Variants in RAP1A observed in about 807,000 individuals in gnomAD.
The protein encoded by RAP1A is ras-related protein Rap-1A.
Under a neutral mutation model 26.4 loss-of-function variants are expected in RAP1A, and 6 were observed. The observed-to-expected ratio is 0.23, with a 90% CI of 0.12 to 0.45. RAP1A has a LOEUF of 0.45. RAP1A is among the 20% of genes least tolerant of loss of function. RAP1A has a pLI of 0.99. For missense variants in RAP1A, 121 were observed against 217.2 expected, an observed-to-expected ratio of 0.56 and a Z score of 2.78; for synonymous variants, 73 against 79.4, an observed-to-expected ratio of 0.92 and a Z score of 0.43.
intron 1 of RAP1A, among the ~76,000 whole-genome samples, chr1:111,551,722 T>G (rs1458666446): frequency 6.6e-6 from 1 of 151,096 alleles, no homozygotes; most frequent in Non-Finnish European, 1.5e-5. Flanking sequence ...GCAGTGGTTT[T>G]TTGGTTTTGT....
At chr1:111,640,846 C>G (rs1319042515) in intron 1 of RAP1A, among the ~76,000 whole-genome samples, 1 of 151,976 alleles carries the variant, frequency 6.6e-6, no homozygotes, top group Non-Finnish European at 1.5e-5. Flanking sequence ...TACCTATAAT[C>G]CCAGATACTC....
At chr1:111,600,933 T>A (rs983706024) in intron 1 of RAP1A, among the ~76,000 whole-genome samples, 1 of 152,200 alleles carries the variant, frequency 6.6e-6, no homozygotes, top group African/African-American at 2.4e-5. Context: ...TCTTTATGCA[T>A]GTGAGCGGAG....
chr1:111,692,085 C>G (rs1380432017), intron 2 of RAP1A, among the ~76,000 whole-genome samples: 3 of 152,102 alleles, frequency 2.0e-5, no homozygotes, highest in African/African-American at 7.2e-5. Flanking sequence ...GGATTAGGAC[C>G]ATGGCAGTTA....
At chr1:111,670,422 C>G (rs973307296) in intron 1 of RAP1A, among the ~76,000 whole-genome samples, 1 of 151,904 alleles carries the variant, frequency 6.6e-6, no homozygotes, top group African/African-American at 2.4e-5. Flanking sequence ...TACAGTGAGC[C>G]AAGATCATGC....
At chr1:111,689,739 A>C (rs1369080831) in intron 1 of RAP1A, among the ~76,000 whole-genome samples, 1 of 151,806 alleles carries the variant, frequency 6.6e-6, no homozygotes. Context: ...GCGCGATCTC[A>C]GCTCACTGCA....
chr1:111,601,903 G>C (rs1023043895), intron 1 of RAP1A, among the ~76,000 whole-genome samples: 1 of 152,162 alleles, frequency 6.6e-6, no homozygotes, highest in Non-Finnish European at 1.5e-5. Context: ...AGGGTAAGAG[G>C]AATATGATTT....
chr1:111,642,549 A>T (rs1659924477), intron 1 of RAP1A, among the ~76,000 whole-genome samples: 1 of 149,128 alleles, frequency 6.7e-6, no homozygotes, highest in African/African-American at 2.5e-5. Flanking sequence ...GTTCAGTGGC[A>T]CTATCTTAGC....
intron 1 of RAP1A, among the ~76,000 whole-genome samples, chr1:111,556,641 A>G (rs1657502875): frequency 6.6e-6 from 1 of 152,232 alleles, no homozygotes; most frequent in South Asian, 2.1e-4. Flanking sequence ...AAGTGAAATA[A>G]GTCAGTCACA....
At chr1:111,564,512 C>CTTT (rs577908974) in intron 1 of RAP1A, among the ~76,000 whole-genome samples, 6 of 119,968 alleles carry the variant, frequency 5.0e-5, no homozygotes, top group African/African-American at 1.3e-4. Flanking sequence ...GACCCCAACT[C>CTTT]TTTTTTTTTT....
intron 1 of RAP1A, among the ~76,000 whole-genome samples, chr1:111,555,362 TA>T (rs397981230): frequency 4.6e-3 from 221 of 47,618 alleles, no homozygotes; most frequent in African/African-American, 0.019. Flanking sequence ...TGAGACTCTG[TA>T]AAAAAAAAAA....
At chr1:111,695,478 A>G in intron 3 of RAP1A, 69 bp downstream of exon 3, 1 of 1,184,314 alleles carries the variant, frequency 8.4e-7, no homozygotes, top group East Asian at 2.8e-5. Flanking sequence ...TGATCTGTAG[A>G]TTTGCTTTTT....
Position 111,570,924 on chromosome 1 carries a change from A to G in RAP1A, c.-28+28415A>G, listed in dbSNP as rs115713343. On this transcript the variant is annotated intron_variant, in intron 1 of 7. Coordinates refer to the RAP1A transcript ENST00000356415. ...AGCCACATGGGGACCAAATTTCAAC[A>G]TGAGTTTTGGTGAAGACAAACCATA... 5.0e-3 allele frequency among the ~76,000 whole-genome samples: 766 copies of G among 152,312 alleles called. 5 individuals are homozygous for G. The highest frequency in any genetic ancestry group is 0.017 in the African/African-American group (716 of 41,562).
At chr1:111,696,411 A>G (rs989572480) in intron 3 of RAP1A, among the ~76,000 whole-genome samples, 1 of 152,232 alleles carries the variant, frequency 6.6e-6, no homozygotes, top group Admixed American at 6.5e-5. Flanking sequence ...ATTATGCTCT[A>G]GATACATCAA....
chr1:111,603,988 A>G (rs942610107), intron 1 of RAP1A, among the ~76,000 whole-genome samples: 5 of 152,344 alleles, frequency 3.3e-5, no homozygotes, highest in African/African-American at 1.2e-4. Context: ...CTTCAAGAGT[A>G]TAAAAGGAAA....
chr1:111,661,259 C>T (rs1660627184), intron 1 of RAP1A, among the ~76,000 whole-genome samples: 1 of 152,070 alleles, frequency 6.6e-6, no homozygotes, highest in South Asian at 2.1e-4. Flanking sequence ...CGGAGGAGGT[C>T]ACTAAGTGAT....
At chr1:111,667,278 T>C (rs1453846681) in intron 1 of RAP1A, among the ~76,000 whole-genome samples, 1 of 152,190 alleles carries the variant, frequency 6.6e-6, no homozygotes, top group Non-Finnish European at 1.5e-5. Context: ...CGATAGAAAA[T>C]ACAAAGTAGT....
intron 1 of RAP1A, among the ~76,000 whole-genome samples, chr1:111,659,635 A>C (rs1660571672): frequency 6.6e-6 from 1 of 151,976 alleles, no homozygotes; most frequent in Non-Finnish European, 1.5e-5. Flanking sequence ...TGTTGGATTA[A>C]TATATATCTA....
chr1:111,685,438 A>C (rs892656840), intron 1 of RAP1A, among the ~76,000 whole-genome samples: 18 of 151,722 alleles, frequency 1.2e-4, no homozygotes, highest in East Asian at 9.7e-4. Flanking sequence ...AAAAAAAGAA[A>C]CAACCTCATC....
chr1:111,668,413 GATGGGATT>G (rs2101175121), intron 1 of RAP1A, among the ~76,000 whole-genome samples: 1 of 152,304 alleles, frequency 6.6e-6, no homozygotes, highest in South Asian at 2.1e-4. Flanking sequence ...ATATAAGAAT[GATGGGATT>G]ATGATAGCTA....
Sources: gnomAD v4.1 joint callset for allele counts (sites outside exome capture counted in the v4.1 genomes callset) on GRCh38, gnomAD v4.1.1 for gene constraint, MANE v1.5 for transcripts, NCBI Gene and HGNC (gene_info 2026-07-23, HGNC 2026-07-21) for gene names.